Variants in PCSK9 observed in about 807,000 individuals in gnomAD.
PCSK9 encodes convertase subtilisin/kexin type 9 preproprotein.
Under a neutral mutation model 62.1 loss-of-function variants are expected in PCSK9, and 57 were observed. The observed-to-expected ratio is 0.92, with a 90% confidence interval of 0.74 to 1.14. The LOEUF is 1.14. Among genes scored for constraint, PCSK9 ranks in the 50% most tolerant of loss-of-function variants. The pLI, the probability that PCSK9 is intolerant of heterozygous loss-of-function variation, is 0.00. For missense variants in PCSK9, 870 were observed against 959.8 expected (o/e 0.91, Z 1.24); for synonymous variants, 387 against 409.4 (o/e 0.95, Z 0.66).
chr1:55,063,885 T>G lies in PCSK9; in HGVS notation c.*301T>G. 2.1e-6 allele frequency: 1 copy of G among 480,480 alleles called. No homozygotes were observed. The highest frequency in any genetic ancestry group is 3.5e-5 in the Admixed American group (1 of 28,684). The allele number at this position is 480,480 out of a possible 1,614,324, so 29.8% of individuals were successfully genotyped here. A position where few individuals can be genotyped will look rare whatever the true frequency, so the allele number is the denominator to read the frequency against. ...CGGGTGCTGCCAGCTGCTCCCAATG[T>G]GCCGATGTCCGTGGGCAGAATGACT... On this transcript the variant is annotated 3_prime_UTR_variant, in exon 12 of 12. Coordinates refer to ENST00000302118, the MANE Select transcript of PCSK9 (RefSeq NM_174936.4).
intron 3 of PCSK9, among the ~76,000 whole-genome samples, chr1:55,049,110 G>A (rs1236421248): frequency 6.6e-6 from 1 of 152,346 alleles, no homozygotes; most frequent in Non-Finnish European, 1.5e-5. Flanking sequence ...AGGCAGCTGC[G>A]AGCCTGTGTA....
In PCSK9 at chr1:55,039,821, C is replaced by A; in HGVS notation, c.-17C>A. ...CTAGGTCTCCTCGCCAGGACAGCAA[C>A]CTCTCCCCTGGCCCTCATGGGCACC... On this transcript the variant is annotated 5_prime_UTR_variant, in exon 1 of 12. Transcript: ENST00000302118. 6.4e-7 allele frequency: 1 copy of A among 1,568,278 alleles called. No homozygotes were observed. Among genetic ancestry groups the A allele is most frequent in the East Asian group, 2.3e-5 (1 of 43,158 alleles).
intron 8 of PCSK9, 35 bp from the exon 9 acceptor site, chr1:55,058,464 C>T: frequency 1.2e-6 from 2 of 1,612,206 alleles, no homozygotes; most frequent in Non-Finnish European, 1.7e-6. Context: ...CCCTCACTCC[C>T]AGCACCCCCT....
chr1:55,058,393 T>C, intron 8 of PCSK9, 106 bp from the exon 9 acceptor site: 1 of 1,564,500 alleles, frequency 6.4e-7, no homozygotes, highest in Non-Finnish European at 8.8e-7. Context: ...ATAGAGACAG[T>C]TGAGTATGTT....
At chr1:55,060,755 T>G (rs11206517) in intron 10 of PCSK9, among the ~76,000 whole-genome samples, 12,313 of 152,200 alleles carry the variant, frequency 0.081, 824 homozygotes, top group African/African-American at 0.19. Flanking sequence ...CCCGAGCCCT[T>G]GCAGCTAGGA....
At position 55,046,578 on chromosome 1, in the gene PCSK9, A is replaced by G. The variant is rs1644636325; in HGVS notation, c.455A>G (p.Gln152Arg). 6.2e-7 allele frequency: 1 copy of G among 1,614,056 alleles called. No homozygotes were observed. Among genetic ancestry groups the G allele is most frequent in the African/African-American group, 1.3e-5 (1 of 74,922 alleles). ...GAGGAGGACTCCTCTGTCTTTGCCC[A>G]GAGCATCCCGTGGAACCTGGAGCGG... ...YIEEDSSVFA[Q>R]SIPWNLERIT... The change falls in exon 3 of 12, where the codon CAG (glutamine) becomes CGG (arginine). Residue 152 changes from glutamine to arginine, a missense_variant. Gln to Arg is a conservative substitution (Grantham distance 43, BLOSUM62 1). Transcript: ENST00000302118.
At chr1:55,041,428 C>T (rs1644597467) in intron 1 of PCSK9, among the ~76,000 whole-genome samples, 1 of 152,126 alleles carries the variant, frequency 6.6e-6, no homozygotes, top group Non-Finnish European at 1.5e-5. Flanking sequence ...TTCAAGTTAC[C>T]ACTGCTCCAA....
At chr1:55,061,185 G>C (rs186965335) in intron 10 of PCSK9, among the ~76,000 whole-genome samples, 190 bp from the exon 11 acceptor site, 39 of 152,356 alleles carry the variant, frequency 2.6e-4, no homozygotes, top group Admixed American at 2.2e-3. Flanking sequence ...AGGTCACACA[G>C]CTGGTCAGCT....
chr1:55,063,486 G>T lies in PCSK9; in HGVS notation c.1981G>T (p.Val661Phe). ...DNTCVVRSRD[V>F]STTGSTSEGA... ...CACGTGTGTAGTCAGGAGCCGGGAC[G>T]TCAGCACTACAGGCAGCACCAGCGA... The change falls in exon 12 of 12, where the codon GTC (valine) becomes TTC (phenylalanine). Residue 661 changes from valine (V) to phenylalanine (F), a missense_variant. Coordinates refer to ENST00000302118, the MANE Select transcript of PCSK9 (RefSeq NM_174936.4). 1.2e-6 allele frequency: 2 copies of T among 1,613,998 alleles called. No homozygotes were observed. The highest frequency in any genetic ancestry group is 1.7e-6 in the Non-Finnish European group (2 of 1,179,886).
At chr1:55,045,588 T>C (rs1033551472) in intron 2 of PCSK9, among the ~76,000 whole-genome samples, 31 of 152,136 alleles carry the variant, frequency 2.0e-4, no homozygotes, top group African/African-American at 7.2e-4. Flanking sequence ...CTCTGCCCAG[T>C]TGGAGCCGGT....
chr1:55,059,434 G>A (rs943937421), intron 9 of PCSK9, 52 bp from the exon 10 acceptor site: 1 of 1,543,802 alleles, frequency 6.5e-7, no homozygotes, highest in South Asian at 1.2e-5. Context: ...CCCTTTCTGT[G>A]TTTTCAAAGC....
Position 55,052,730 on chromosome 1 carries a change from C to T in PCSK9, c.738C>T (p.Ser246=). 3 of 1,613,186 alleles carry T rather than the reference C, an allele frequency of 1.9e-6. No individual in the cohort carries two copies. The South Asian group carries it at 3.3e-5, about 18-fold the overall frequency. ...ATGCCGGCGTGGCCAAGGGTGCCAG[C>T]ATGCGCAGCCTGCGCGTGCTCAACT... ...GRDAGVAKGA[S]MRSLRVLNCQ... Residue 246 remains serine, a synonymous_variant, in exon 5 of 12, where the codon AGC becomes AGT. Transcript: ENST00000302118.
rs1367014114 is a variant in PCSK9 at position 55,063,896 on chromosome 1, G to T, written c.*312G>T. ...AGCTGCTCCCAATGTGCCGATGTCCGTGGGCAGAATGACTTTTATTGAGCT... is the reference window on the plus strand; with the variant it reads ...AGCTGCTCCCAATGTGCCGATGTCCTTGGGCAGAATGACTTTTATTGAGCT... On this transcript the variant is annotated 3_prime_UTR_variant, in exon 12 of 12. Transcript: ENST00000302118. The T allele has an allele frequency of 6.7e-6, 3 of 449,538 alleles. No homozygotes were observed. The highest frequency in any genetic ancestry group is 7.6e-5 in the East Asian group (2 of 26,262). 27.8% of individuals were successfully genotyped at this position (449,538 alleles called of 1,614,324 possible). A position where few individuals can be genotyped will look rare whatever the true frequency, so the allele number is the denominator to read the frequency against.
chr1:55,056,295 G>A, intron 6 of PCSK9, 106 bp downstream of exon 6: 1 of 1,229,804 alleles, frequency 8.1e-7, no homozygotes, highest in Non-Finnish European at 1.1e-6. Context: ...TGGGCTTCTT[G>A]TGGCACGTTC....
Position 55,039,809 on chromosome 1 carries a change from C to T in PCSK9, c.-29C>T, listed in dbSNP as rs1389098623. On this transcript the variant is annotated 5_prime_UTR_variant, in exon 1 of 12. Transcript: ENST00000302118. ...CGCGCACGGCCTCTAGGTCTCCTCG[C>T]CAGGACAGCAACCTCTCCCCTGGCC... The T allele has an allele frequency of 1.9e-6, 3 of 1,569,568 alleles. No individual in the cohort carries two copies. Among genetic ancestry groups the T allele is most frequent in the Admixed American group, 1.9e-5 (1 of 52,976 alleles).
Position 55,058,556 on chromosome 1 carries a change from C to A in PCSK9, c.1412C>A (p.Ala471Asp). The A allele has an allele frequency of 6.2e-7, 1 of 1,612,132 alleles. No individual in the cohort carries two copies. Among genetic ancestry groups the A allele is most frequent in the Non-Finnish European group, 8.5e-7 (1 of 1,180,020 alleles). The change falls in exon 9 of 12, where the codon GCC (alanine) becomes GAC (aspartate). Residue 471 changes from alanine (A) to aspartate (D), a missense_variant. Coordinates refer to ENST00000302118, the MANE Select transcript of PCSK9 (RefSeq NM_174936.4). ...GCACACTCGGGGCCTACACGGATGGCCACAGCCGTCGCCCGCTGCGCCCCA... is the reference window on the plus strand; with the variant it reads ...GCACACTCGGGGCCTACACGGATGGACACAGCCGTCGCCCGCTGCGCCCCA... ...WSAHSGPTRM[A>D]TAVARCAPDE...
At chr1:55,051,870 C>G (rs1644676323) in intron 3 of PCSK9, 2 of 316,360 alleles carry the variant, frequency 6.3e-6, no homozygotes, top group Non-Finnish European at 1.2e-5. Flanking sequence ...TGTTATTCTC[C>G]TTTGAGTCTT....
chr1:55,055,945 A>G, intron 5 of PCSK9, 48 bp from the exon 6 acceptor site: 3 of 1,517,958 alleles, frequency 2.0e-6, no homozygotes, highest in Non-Finnish European at 1.8e-6. Context: ...GGGCTGGGAA[A>G]GGGGAGCAGG....
At chr1:55,056,439 T>G (rs948826142) in intron 6 of PCSK9, among the ~76,000 whole-genome samples, 1 of 152,102 alleles carries the variant, frequency 6.6e-6, no homozygotes, top group Admixed American at 6.5e-5. Context: ...TGCGCCCACG[T>G]AGCGGCGCCT....
Sources: gnomAD v4.1 joint callset for allele counts (sites outside exome capture counted in the v4.1 genomes callset) on GRCh38, gnomAD v4.1.1 for gene constraint, MANE v1.5 for transcripts, NCBI Gene and HGNC (gene_info 2026-07-23, HGNC 2026-07-21) for gene names.